Variants in ZNF808 observed in about 807,000 individuals in gnomAD.
The protein encoded by ZNF808 is zinc finger protein 808.
A neutral mutation model predicts 8.7 loss-of-function variants in ZNF808; 5 were observed. The ratio of observed to expected loss-of-function variants is 0.58; its 90% CI spans 0.30 to 1.21. The LOEUF is 1.21. Ranked by LOEUF, ZNF808 falls within the 50% of genes most tolerant of loss-of-function variation. The pLI, the probability that ZNF808 is intolerant of heterozygous loss-of-function variation, is 0.07. For missense variants in ZNF808, 1,103 were observed against 1,098.4 expected, an observed-to-expected ratio of 1.00 and a Z score of -0.06; for synonymous variants, 380 against 366.0, an observed-to-expected ratio of 1.04 and a Z score of -0.44.
chr19:52,554,064 A>G lies in ZNF808; in HGVS notation c.1148A>G (p.His383Arg). Residue 383 changes from histidine to arginine, a missense_variant, in exon 5 of 5, where the codon CAT becomes CGT. By Grantham distance (29) the His-to-Arg change is conservative. Transcript: ENST00000359798. The stretch of plus-strand genomic sequence containing the variant: ...ATTTGTGAGAAGGCTTTTGCGTGTC[A>G]TTCCTATCTGGCAAACCATACTAGA... ...CKICEKAFAC[H>R]SYLANHTRIH... 1 of 1,614,182 alleles carries G rather than the reference A, an allele frequency of 6.2e-7. No homozygotes were observed. Among genetic ancestry groups the G allele is most frequent in the Non-Finnish European group, 8.5e-7 (1 of 1,180,012 alleles).
chr19:52,541,152 A>G (rs1416396317), intron 2 of ZNF808, among the ~76,000 whole-genome samples: 1 of 151,318 alleles, frequency 6.6e-6, no homozygotes, highest in East Asian at 1.9e-4. Flanking sequence ...GGATGTCACC[A>G]TATTGGCCAG....
chr19:52,544,522 G>T (rs2059702724), intron 3 of ZNF808, among the ~76,000 whole-genome samples: 1 of 151,898 alleles, frequency 6.6e-6, no homozygotes, highest in Admixed American at 6.6e-5. Flanking sequence ...GTTGAGACGG[G>T]GTTTCATCAT....
intron 3 of ZNF808, among the ~76,000 whole-genome samples, chr19:52,543,846 T>A (rs1322856260): frequency 3.9e-5 from 2 of 50,720 alleles, no homozygotes; most frequent in Non-Finnish European, 6.0e-5. Context: ...GTGTCCAAAT[T>A]TTTTTTTTTT....
At chr19:52,537,199 G>T (rs1398789777) in intron 2 of ZNF808, among the ~76,000 whole-genome samples, 1 of 151,968 alleles carries the variant, frequency 6.6e-6, no homozygotes, top group African/African-American at 2.4e-5. Flanking sequence ...AAAAAAAGCG[G>T]TTAAATAAGT....
At chr19:52,546,492 A>G (rs1006444147) in intron 3 of ZNF808, among the ~76,000 whole-genome samples, 2 of 151,836 alleles carry the variant, frequency 1.3e-5, no homozygotes, top group Non-Finnish European at 2.9e-5. Context: ...ACCGATCATG[A>G]TAGTTTTTAG....
At chr19:52,537,712 G>C (rs2123098421) in intron 2 of ZNF808, among the ~76,000 whole-genome samples, 1 of 151,950 alleles carries the variant, frequency 6.6e-6, no homozygotes, top group East Asian at 1.9e-4. Context: ...AAGGGTGGGG[G>C]ACTTTGGGTA....
intron 2 of ZNF808, among the ~76,000 whole-genome samples, chr19:52,542,160 C>A (rs2123124519): frequency 6.6e-6 from 1 of 151,828 alleles, no homozygotes; most frequent in Non-Finnish European, 1.5e-5. Context: ...ATGCCACGAT[C>A]TCAGTTCACT....
In ZNF808 at chr19:52,555,202, T is replaced by G; in HGVS notation, c.2286T>G (p.Pro762=). ...GTAGACTTCATAGTGGTGAGAAACC[T>G]TACAAGTGTAACGACTGTGGCAATA... ...CHRRLHSGEK[P]YKCNDCGNTF... is the part of the protein sequence containing the mutation. Residue 762 remains proline (P), a synonymous_variant, in exon 5 of 5, where the codon CCT becomes CCG. Coordinates refer to ENST00000359798, the MANE Select transcript of ZNF808 (RefSeq NM_001039886.4). 1 of 1,614,086 alleles carries G rather than the reference T, an allele frequency of 6.2e-7. No homozygotes were observed. The highest frequency in any genetic ancestry group is 8.5e-7 in the Non-Finnish European group (1 of 1,179,996).
At position 52,553,573 on chromosome 19, in the gene ZNF808, A is replaced by T; in HGVS notation, c.657A>T (p.Pro219=). Residue 219 remains proline (P), a synonymous_variant, in exon 5 of 5, where the codon CCA becomes CCT. Coordinates refer to ENST00000359798, the MANE Select transcript of ZNF808 (RefSeq NM_001039886.4). ...ATCCCCTGAATTCTTCATTACTCCC[A>T]CAAAAACAGGAAGTACACATGAGAG... The part of the protein sequence containing the change: ...GNNPLNSSLL[P]QKQEVHMREK... 1.9e-6 allele frequency: 3 copies of T among 1,614,178 alleles called. No individual in the cohort carries two copies. Among genetic ancestry groups the T allele is most frequent in the Non-Finnish European group, 2.5e-6 (3 of 1,180,032 alleles).
intron 4 of ZNF808, among the ~76,000 whole-genome samples, chr19:52,551,234 C>T (rs1298964691): frequency 6.6e-6 from 1 of 152,040 alleles, no homozygotes; most frequent in Non-Finnish European, 1.5e-5. Flanking sequence ...CACCTGTTAT[C>T]CCAGCTTCTT....
At chr19:52,561,212 C>A (rs28575680), downstream of ZNF808, among the ~76,000 whole-genome samples, 3,651 of 37,110 alleles carry the variant, frequency 0.098, 123 homozygotes, top group African/African-American at 0.13. Flanking sequence ...CTCTCTCTCT[C>A]TATATATATA....
Position 52,553,764 on chromosome 19 carries a change from G to T in ZNF808, c.848G>T (p.Gly283Val), listed in dbSNP as rs757842552. Residue 283 changes from glycine (G) to valine (V), a missense_variant, in exon 5 of 5, where the codon GGA (glycine) becomes GTA (valine). Transcript: ENST00000359798. ...GCATGCCATCGTAGATGTCACACTG[G>T]AGAGAAACCTTACAAGTGTAAAGAG... ...YLACHRRCHT[G>V]EKPYKCKECG... 21 of 1,614,030 alleles carry T rather than the reference G, an allele frequency of 1.3e-5. No homozygotes were observed. Among genetic ancestry groups the T allele is most frequent in the Non-Finnish European group, 1.5e-5 (18 of 1,180,032 alleles).
At chr19:52,559,688 C>T (rs892131713), downstream of ZNF808, among the ~76,000 whole-genome samples, 1 of 152,132 alleles carries the variant, frequency 6.6e-6, no homozygotes, top group African/African-American at 2.4e-5. Flanking sequence ...TGAAGATACA[C>T]GTCAGTGGTA....
In ZNF808 at chr19:52,554,713, A is replaced by C; in HGVS notation, c.1797A>C (p.Ala599=). The change falls in exon 5 of 5, where the codon GCA becomes GCC. Residue 599 remains alanine, a synonymous_variant. Coordinates refer to ENST00000359798, the MANE Select transcript of ZNF808 (RefSeq NM_001039886.4). Reference sequence around the variant, plus strand: ...GAGAGAAACCTTACAAATGTGAAGCATGTGACAAAGTTTTTGGTCAGAAAT... The same window carrying C: ...GAGAGAAACCTTACAAATGTGAAGCCTGTGACAAAGTTTTTGGTCAGAAAT... ...HTGEKPYKCE[A]CDKVFGQKSA... The C allele has an allele frequency of 6.2e-7, 1 of 1,613,846 alleles. No individual in the cohort carries two copies. Among genetic ancestry groups the C allele is most frequent in the South Asian group, 1.1e-5 (1 of 91,064 alleles).
Position 52,554,437 on chromosome 19 carries a change from T to G in ZNF808, c.1521T>G (p.Gly507=), listed in dbSNP as rs1321726557. The G allele has an allele frequency of 6.2e-7, 1 of 1,613,926 alleles. No homozygotes were observed. The highest frequency in any genetic ancestry group is 1.7e-5 in the Admixed American group (1 of 59,996). ...SLLCHRRLHS[G]EKPYKCNQCG... ...TATGCCATCGTAGACTTCATAGTGG[T>G]GAAAAACCTTACAAGTGTAATCAGT... The change falls in exon 5 of 5, where the codon GGT becomes GGG. Residue 507 remains glycine, a synonymous_variant. Transcript: ENST00000359798.
intron 2 of ZNF808, among the ~76,000 whole-genome samples, chr19:52,537,430 T>A (rs973678989): frequency 8.5e-5 from 13 of 152,182 alleles, no homozygotes; most frequent in African/African-American, 2.9e-4. Context: ...CTCATGCCTG[T>A]AATCCCAGCA....
chr19:52,531,985 G>T (rs766613399), intron 1 of ZNF808, among the ~76,000 whole-genome samples: 1 of 152,094 alleles, frequency 6.6e-6, no homozygotes, highest in Non-Finnish European at 1.5e-5. Flanking sequence ...AGAAGTTGTG[G>T]CTTTTTTCTT....
chr19:52,549,240 G>A (rs1468156785), intron 4 of ZNF808, among the ~76,000 whole-genome samples: 2 of 152,060 alleles, frequency 1.3e-5, no homozygotes, highest in African/African-American at 2.4e-5. Context: ...TCCTCCCAAT[G>A]TGCTGGTATT....
At chr19:52,536,180 C>G (rs2059609088) in intron 2 of ZNF808, 1 of 152,546 alleles carries the variant, frequency 6.6e-6, no homozygotes, top group Non-Finnish European at 1.5e-5. Flanking sequence ...TGAGATGTCC[C>G]CGTAAGAGTC....
Sources: gnomAD v4.1 joint callset for allele counts (sites outside exome capture counted in the v4.1 genomes callset) on GRCh38, gnomAD v4.1.1 for gene constraint, MANE v1.5 for transcripts, NCBI Gene and HGNC (gene_info 2026-07-23, HGNC 2026-07-21) for gene names.